The following MLXIPL variants were observed in gnomAD, a reference collection of about 807,000 sequenced individuals.
The protein encoded by MLXIPL is MLX interacting protein like, also known as carbohydrate-responsive element-binding protein.
Under a neutral mutation model 81.5 loss-of-function variants are expected in MLXIPL, and 49 were observed. That is an observed-to-expected ratio of 0.60 (90% CI 0.48 to 0.76). MLXIPL has a LOEUF of 0.76. Among genes scored for constraint, MLXIPL ranks in the 30% least tolerant of loss-of-function variants. The pLI is 0.00. For missense variants in MLXIPL, 1,053 were observed against 1,167.0 expected (o/e 0.90, Z 1.42); for synonymous variants, 466 against 485.5 (o/e 0.96, Z 0.53).
chr7:73,615,746 C>G (rs1019248360), intron 2 of MLXIPL, among the ~76,000 whole-genome samples: 10 of 152,010 alleles, frequency 6.6e-5, no homozygotes, highest in Admixed American at 6.6e-4. Context: ...GAAACCGTCT[C>G]TACTAAAAAT....
chr7:73,624,668 G>T (rs72649059), upstream of MLXIPL: 19,036 of 1,262,054 alleles, frequency 0.015, 183 homozygotes, highest in Non-Finnish European at 0.018. Context: ...GTGAGAACCC[G>T]GTGCTCTGGA....
In MLXIPL at chr7:73,594,319, G is replaced by GT. The variant is rs1554592904; in HGVS notation, c.2394dup (p.Leu799ThrfsTer39). 6.2e-7 allele frequency: 1 copy of GT among 1,611,798 alleles called. No individual in the cohort carries two copies. Among genetic ancestry groups the GT allele is most frequent in the South Asian group, 1.1e-5 (1 of 91,084 alleles). ...GAGCAGTACTGGTCCAGCCAGGCCA[G>GT]TGAGGTCTGGCGGAGGGTGTGCACA... On this transcript the variant is annotated frameshift_variant, in exon 16 of 17. Coordinates refer to ENST00000313375, the MANE Select transcript of MLXIPL (RefSeq NM_032951.3). LOFTEE classifies it high-confidence loss of function.
intron 5 of MLXIPL, 147 bp downstream of exon 5, chr7:73,606,827 G>A (rs1563494952): frequency 2.2e-6 from 2 of 893,110 alleles, no homozygotes; most frequent in South Asian, 1.5e-5. Flanking sequence ...CTCAACAAAT[G>A]AACCACAGGA....
chr7:73,632,688 C>G, the MLXIPL span, among the ~76,000 whole-genome samples: 1 of 152,136 alleles, frequency 6.6e-6, no homozygotes, highest in Non-Finnish European at 1.5e-5. Flanking sequence ...GGGCTTGTCA[C>G]AGACTGTCTT....
At position 73,597,643 on chromosome 7, in the gene MLXIPL, T is replaced by C. The variant is rs537011212; in HGVS notation, c.1142A>G (p.Asp381Gly). 13 of 1,378,916 alleles carry C rather than the reference T, an allele frequency of 9.4e-6. No homozygotes were observed. In the South Asian group the frequency reaches 1.9e-4, roughly 20 times the overall value. 85.4% of individuals were successfully genotyped at this position (1,378,916 alleles called of 1,614,324 possible). A position where few individuals can be genotyped will look rare whatever the true frequency, so the allele number is the denominator to read the frequency against. The change falls in exon 9 of 17, where the codon GAC becomes GGC. Residue 381 changes from aspartate to glycine, a missense_variant. Asp to Gly is a moderately conservative substitution (Grantham distance 94). Around this residue, in one of 3 missense-constraint regions of MLXIPL, gnomAD observed 823 missense variants for 933.0 expected, o/e 0.88. Transcript: ENST00000313375. Reference protein sequence around the residue: ...FLSSDFLLPEDPKPRLPPPPV... With the variant: ...FLSSDFLLPEGPKPRLPPPPV... ...AGGGGGTGGGAGCCGGGGCTTGGGG[T>C]CTTCAGGAAGGAGGAAATCAGAACT...
chr7:73,607,253 A>G, intron 4 of MLXIPL, 78 bp downstream of exon 4: 1 of 1,439,596 alleles, frequency 6.9e-7, no homozygotes, highest in Non-Finnish European at 9.5e-7. Flanking sequence ...TCCCCTTTCC[A>G]GGGATCTTCC....
chr7:73,609,158 C>T (rs1371540241), intron 2 of MLXIPL: 2 of 151,682 alleles, frequency 1.3e-5, no homozygotes, highest in African/African-American at 2.4e-5. Context: ...AGACAGGGCC[C>T]CACTATGTTG....
the MLXIPL span, among the ~76,000 whole-genome samples, chr7:73,645,729 C>T: frequency 3.3e-5 from 5 of 152,146 alleles, no homozygotes; most frequent in Non-Finnish European, 7.3e-5. Context: ...CGGAGGAGGA[C>T]AGGGCTTGCC....
intron 1 of MLXIPL, among the ~76,000 whole-genome samples, chr7:73,617,876 C>T (rs1796094449): frequency 6.6e-6 from 1 of 152,152 alleles, no homozygotes. Flanking sequence ...GATGGAAGAG[C>T]TTACACTGGT....
At chr7:73,617,745 C>T (rs1796087406) in intron 1 of MLXIPL, among the ~76,000 whole-genome samples, 2 of 151,808 alleles carry the variant, frequency 1.3e-5, no homozygotes, top group Admixed American at 6.6e-5. Context: ...ACTAGGGAGG[C>T]GAGGTCAGAG....
At chr7:73,627,806 G>A (rs1451794612), upstream of MLXIPL, among the ~76,000 whole-genome samples, 1 of 151,880 alleles carries the variant, frequency 6.6e-6, no homozygotes, top group African/African-American at 2.4e-5. Context: ...CTCCGCCCTC[G>A]CCTCTGGCTT....
Position 73,596,394 on chromosome 7 carries a change from G to A in MLXIPL, c.1908C>T (p.Ile636=), listed in dbSNP as rs371571910. The A allele has an allele frequency of 6.2e-7, 1 of 1,613,106 alleles. No homozygotes were observed. Among genetic ancestry groups the A allele is most frequent in the African/African-American group, 1.3e-5 (1 of 74,936 alleles). Residue 636 remains isoleucine (I), a synonymous_variant, in exon 12 of 17, where the codon ATC becomes ATT. Coordinates refer to ENST00000313375, the MANE Select transcript of MLXIPL (RefSeq NM_032951.3). The surrounding 1 kb of genome is among the most constrained non-coding windows in gnomAD (Gnocchi z 4.7). ...TGCTGTCTGGACGGCCCCGGCTGAG[G>A]ATGGGTTGCGGGGGAGAGACACGGA... The part of the protein sequence containing the change: ...LSVRVSPPQP[I]LSRGRPDSNK...
At chr7:73,629,673 T>C in the MLXIPL span, among the ~76,000 whole-genome samples, 1 of 152,174 alleles carries the variant, frequency 6.6e-6, no homozygotes, top group Non-Finnish European at 1.5e-5. Flanking sequence ...TGCAGTGAGC[T>C]ATAAACATGC....
intron 9 of MLXIPL, 87 bp downstream of exon 9, chr7:73,597,095 C>T (rs1465722564): frequency 1.3e-6 from 2 of 1,482,364 alleles, no homozygotes; most frequent in African/African-American, 1.4e-5. Context: ...GCCCCTTCAC[C>T]TTCATCTTCT....
At chr7:73,598,534 G>A (rs191561202) in intron 8 of MLXIPL, among the ~76,000 whole-genome samples, 18 of 152,146 alleles carry the variant, frequency 1.2e-4, no homozygotes, top group African/African-American at 2.6e-4. Flanking sequence ...TGCCTCCACC[G>A]CAGTCTAAGA....
rs190224144 is a variant in MLXIPL at position 73,619,760 on chromosome 7, C to G, written c.294-3583G>C. Among the ~76,000 whole-genome samples the G allele has an allele frequency of 7.5e-4, 114 of 151,690 alleles. 1 individual carries two copies. The highest frequency in any genetic ancestry group is 2.7e-3 in the African/African-American group (112 of 41,374). On this transcript the variant is annotated intron_variant, in intron 1 of 16. Transcript: ENST00000313375. ...CCTGGCTAACGCAGTGAAACCCGGT[C>G]TCTACTAAAAATACAAAAAATTAGC...
At chr7:73,620,297 G>A (rs981170882) in intron 1 of MLXIPL, among the ~76,000 whole-genome samples, 11 of 151,430 alleles carry the variant, frequency 7.3e-5, no homozygotes, top group African/African-American at 1.9e-4. Flanking sequence ...CCAACTACTC[G>A]GGAGGCTGAG....
chr7:73,621,699 C>T (rs1584154188), intron 1 of MLXIPL, among the ~76,000 whole-genome samples: 2 of 131,328 alleles, frequency 1.5e-5, no homozygotes, highest in African/African-American at 5.7e-5. Context: ...CTCCCTCCAT[C>T]TCCCTCCCTC....
rs1554597895 is a variant in MLXIPL at position 73,605,947 on chromosome 7, C to A, written c.783G>T (p.Gln261His). The change falls in exon 6 of 17, where the codon CAG becomes CAT. Residue 261 changes from glutamine (Q) to histidine (H), a missense_variant. Physicochemically the swap from Gln to His is conservative, Grantham distance 24. Around this residue, in one of 3 missense-constraint regions of MLXIPL, gnomAD observed 823 missense variants for 933.0 expected, o/e 0.88. Coordinates refer to ENST00000313375, the MANE Select transcript of MLXIPL (RefSeq NM_032951.3). Reference sequence around the variant, plus strand: ...GCAGCTGCAGGGGCGAAGGGCCGGACTGAGTCATGGTGAAGAGAGTGTCTG... The same window carrying A: ...GCAGCTGCAGGGGCGAAGGGCCGGAATGAGTCATGGTGAAGAGAGTGTCTG... Reference protein sequence around the residue: ...DISDTLFTMTQSGPSPLQLPP... With the variant: ...DISDTLFTMTHSGPSPLQLPP... 1 of 1,596,672 alleles carries A rather than the reference C, an allele frequency of 6.3e-7. No homozygotes were observed.
Sources: allele counts gnomAD v4.1 joint callset (sites outside exome capture counted in the v4.1 genomes callset), GRCh38; gene constraint gnomAD v4.1.1; regional missense constraint gnomAD v4.1.1; non-coding constraint Gnocchi (gnomAD v3.1); transcripts MANE v1.5; gene names NCBI Gene and HGNC (gene_info 2026-07-23, HGNC 2026-07-21).